Variants in SUCLA2 observed in about 807,000 individuals in gnomAD.
The protein encoded by SUCLA2 is succinate-CoA ligase ADP-forming subunit beta, also known as succinate--CoA ligase [ADP-forming] subunit beta, mitochondrial.
A neutral mutation model predicts 54.8 loss-of-function variants in SUCLA2; 30 were observed. The ratio of observed to expected loss-of-function variants is 0.55; its 90% CI spans 0.41 to 0.74. The LOEUF is 0.74. SUCLA2 is among the 30% of genes least tolerant of loss of function. The pLI is 0.00. For missense variants in SUCLA2, 476 were observed against 562.9 expected (o/e 0.85, Z 1.56); for synonymous variants, 172 against 188.9 (o/e 0.91, Z 0.74).
intron 4 of SUCLA2, among the ~76,000 whole-genome samples, chr13:47,982,957 C>A (rs1320970409): frequency 6.6e-6 from 1 of 151,914 alleles, no homozygotes; most frequent in Admixed American, 6.6e-5. Flanking sequence ...AGGAATTAAC[C>A]CTCAAATTTG....
At chr13:47,973,173 A>G (rs1259681524) in intron 5 of SUCLA2, 91 bp downstream of exon 5, 1 of 1,142,128 alleles carries the variant, frequency 8.8e-7, no homozygotes, top group East Asian at 2.4e-5. Context: ...ATGTTTAAAT[A>G]AGTTTTGACA....
chr13:47,982,210 A>G (rs1407646606), intron 4 of SUCLA2, among the ~76,000 whole-genome samples: 1 of 152,212 alleles, frequency 6.6e-6, no homozygotes, highest in Non-Finnish European at 1.5e-5. Context: ...ATGTCCATCA[A>G]AAGATGAATG....
At chr13:47,971,065 TA>T (rs1024288122) in intron 5 of SUCLA2, among the ~76,000 whole-genome samples, 26 of 150,548 alleles carry the variant, frequency 1.7e-4, no homozygotes, top group Non-Finnish European at 3.4e-4. Context: ...AAATCAATAA[TA>T]AAAAAAAAGA....
chr13:47,955,926 CTAAGT>C (rs1393047161), intron 6 of SUCLA2, among the ~76,000 whole-genome samples: 5 of 152,264 alleles, frequency 3.3e-5, no homozygotes, highest in Admixed American at 2.0e-4. Context: ...TGGAGCCCAG[CTAAGT>C]TAAGTACCCT....
chr13:47,994,704 A>G, intron 2 of SUCLA2: 1 of 344,596 alleles, frequency 2.9e-6, no homozygotes, highest in Non-Finnish European at 4.1e-6. Flanking sequence ...TCCCTCCCAC[A>G]CTATAATCAT....
intron 2 of SUCLA2, among the ~76,000 whole-genome samples, chr13:47,989,708 C>G (rs1391977522): frequency 6.6e-6 from 1 of 152,128 alleles, no homozygotes; most frequent in Non-Finnish European, 1.5e-5. Flanking sequence ...CTGAGAACAT[C>G]TGAGTTATAT....
chr13:47,952,114 G>A lies in SUCLA2; in HGVS notation c.1107+2026C>T, dbSNP rs556571502. ...CCCCCATCTCTTCTACTATTCTTAC[G>A]AAGGTTCCCACTCACCTCTTTCAGT... On this transcript the variant is annotated intron_variant, in intron 8 of 10. Transcript: ENST00000646932. Among the ~76,000 whole-genome samples the A allele has an allele frequency of 3.3e-5, 5 of 151,110 alleles. No homozygotes were observed. In the South Asian group the frequency reaches 8.4e-4, roughly 25 times the overall value.
At chr13:47,992,133 A>T (rs1349783126) in intron 2 of SUCLA2, among the ~76,000 whole-genome samples, 1 of 152,204 alleles carries the variant, frequency 6.6e-6, no homozygotes, top group African/African-American at 2.4e-5. Context: ...AATGTAATGT[A>T]AAAAATGGTC....
rs144112849 is a variant in SUCLA2, at chr13:47,969,848, T to C, written c.664-1115A>G. Among the ~76,000 whole-genome samples the C allele has an allele frequency of 2.0e-3, 302 of 152,244 alleles. 1 individual carries two copies. Among genetic ancestry groups the C allele is most frequent in the African/African-American group, 6.0e-3 (251 of 41,534 alleles). ...TGGGCGCAGTGGCTCAAGTCTGTAA[T>C]ACCAGCACTTTGGGAGGACAAAGAG... On this transcript the variant is annotated intron_variant, in intron 5 of 10. Transcript: ENST00000646932.
chr13:47,968,847 G>C (rs532349283), intron 5 of SUCLA2, 114 bp from the exon 6 acceptor site: 4 of 1,204,520 alleles, frequency 3.3e-6, no homozygotes, highest in South Asian at 1.4e-5. Context: ...GTCATTTATA[G>C]TCAAACATTA....
chr13:47,983,374 A>G (rs1566090145), intron 4 of SUCLA2, among the ~76,000 whole-genome samples: 1 of 79,548 alleles, frequency 1.3e-5, no homozygotes, highest in Non-Finnish European at 3.4e-5. Flanking sequence ...ATGCCACTGA[A>G]ATAGAATATA....
At chr13:47,950,662 A>T (rs1886976) in intron 8 of SUCLA2, among the ~76,000 whole-genome samples, 110,504 of 151,286 alleles carry the variant, frequency 0.73, 41,294 homozygotes, top group Non-Finnish European at 0.82. Context: ...TCTCTTTTTT[A>T]AAAAAAAGAG....
At chr13:47,984,339 A>AC (rs1460499711) in intron 4 of SUCLA2, among the ~76,000 whole-genome samples, 4 of 145,750 alleles carry the variant, frequency 2.7e-5, no homozygotes, top group Non-Finnish European at 3.0e-5. Flanking sequence ...GACTACAGGC[A>AC]CCCCCCACCA....
At chr13:47,957,878 G>A (rs966448784) in intron 6 of SUCLA2, among the ~76,000 whole-genome samples, 1 of 152,188 alleles carries the variant, frequency 6.6e-6, no homozygotes, top group Non-Finnish European at 1.5e-5. Flanking sequence ...CACCTCAAGT[G>A]TGTCAGTTTG....
At chr13:47,988,442 A>C (rs1950122112) in intron 4 of SUCLA2, 99 bp downstream of exon 4, 1 of 1,360,760 alleles carries the variant, frequency 7.3e-7, no homozygotes, top group East Asian at 2.3e-5. Flanking sequence ...TATAATTTGT[A>C]CTTTTAAAAT....
intron 2 of SUCLA2, among the ~76,000 whole-genome samples, chr13:47,994,126 A>G (rs1290983303): frequency 1.3e-5 from 2 of 152,206 alleles, no homozygotes; most frequent in Non-Finnish European, 2.9e-5. Flanking sequence ...AAAGTCAAAA[A>G]GCAAAAATCA....
intron 1 of SUCLA2, among the ~76,000 whole-genome samples, chr13:48,000,419 T>G (rs1950221269): frequency 6.6e-6 from 1 of 152,248 alleles, no homozygotes; most frequent in Non-Finnish European, 1.5e-5. Context: ...CTTGTTCTCT[T>G]AACCATAATA....
intron 2 of SUCLA2, among the ~76,000 whole-genome samples, chr13:47,996,503 A>C (rs1474439171): frequency 6.6e-6 from 1 of 151,950 alleles, no homozygotes; most frequent in African/African-American, 2.4e-5. Context: ...CATTTCCCTG[A>C]AGAATCATCA....
In SUCLA2 at chr13:47,967,245, C is replaced by T. The variant is rs1046426374; in HGVS notation, c.802+1350G>A. ...GTTGGGGGAAGAGGGGCATAAGGAA[C>T]ATCTAGTGAAGGCAATTTAATCTAA... On this transcript the variant is annotated intron_variant, in intron 6 of 10. Transcript: ENST00000646932. Among the ~76,000 whole-genome samples the T allele has an allele frequency of 2.0e-5, 3 of 151,870 alleles. No homozygotes were observed. In the East Asian group the frequency reaches 5.8e-4, roughly 29 times the overall value.
Sources: gnomAD v4.1 joint callset for allele counts (sites outside exome capture counted in the v4.1 genomes callset) on GRCh38, gnomAD v4.1.1 for gene constraint, MANE v1.5 for transcripts, NCBI Gene and HGNC (gene_info 2026-07-23, HGNC 2026-07-21) for gene names.